MID1: variants seen among roughly 807,000 people sequenced by gnomAD.
The protein encoded by MID1 is midline 1, also known as E3 ubiquitin-protein ligase Midline-1.
In MID1, 7 loss-of-function variants were observed where a neutral mutation model predicts 40.4. The ratio of observed to expected loss-of-function variants is 0.17; its 90% confidence interval spans 0.10 to 0.33. The LOEUF is 0.33. Among genes scored for constraint, MID1 ranks in the 10% least tolerant of loss-of-function variants. The pLI, the probability that MID1 is intolerant of heterozygous loss-of-function variation, is 1.00. For missense variants in MID1, 367 were observed against 558.5 expected, an observed-to-expected ratio of 0.66 and a Z score of 3.46; for synonymous variants, 229 against 221.2, an observed-to-expected ratio of 1.04 and a Z score of -0.31.
intron 1 of MID1, among the ~76,000 whole-genome samples, chrX:10,785,993 T>C (rs1156448551): frequency 1.8e-5 from 2 of 111,524 alleles, no homozygotes; most frequent in East Asian, 5.6e-4. Context: ...CAAGAGCTTC[T>C]GCACAGCAAA....
At position 10,658,977 on chromosome X, in the gene MID1, A is replaced by G. The variant is rs1296391012; in HGVS notation, c.-186-38558T>C. On this transcript the variant is annotated intron_variant, in intron 1 of 10. Transcript: ENST00000380785. ...TCAATTTCTTTATATTAACATGTGC[A>G]TAAAATTTGACACTCAGTGCTCACC... is the stretch of plus-strand genomic sequence containing the variant. Among the ~76,000 whole-genome samples the G allele has an allele frequency of 2.7e-5, 3 of 112,094 alleles. No homozygotes were observed. In the East Asian group the frequency reaches 8.3e-4, roughly 31 times the overall value.
At chrX:10,789,185 C>G (rs2043910713) in intron 1 of MID1, among the ~76,000 whole-genome samples, 1 of 109,000 alleles carries the variant, frequency 9.2e-6, no homozygotes, top group Non-Finnish European at 1.9e-5. Flanking sequence ...AGACCAAGAC[C>G]CTGTATAAAT....
intron 1 of MID1, among the ~76,000 whole-genome samples, chrX:10,682,358 T>G: frequency 9.0e-6 from 1 of 110,795 alleles, no homozygotes; most frequent in East Asian, 2.8e-4. Context: ...TTTTTCTTTG[T>G]AGATAATTGA....
At chrX:10,640,262 AG>A (rs1936174585) in intron 1 of MID1, among the ~76,000 whole-genome samples, 1 of 111,868 alleles carries the variant, frequency 8.9e-6, no homozygotes, top group African/African-American at 3.3e-5. Context: ...TGCTGTATTC[AG>A]GAGACCCATC....
chrX:10,583,154 C>A (rs943249766), intron 1 of MID1, among the ~76,000 whole-genome samples: 3 of 111,240 alleles, frequency 2.7e-5, no homozygotes, highest in African/African-American at 9.8e-5. Flanking sequence ...TAGGCAGCAG[C>A]AAATTGGTGG....
At chrX:10,464,795 T>C (rs1353634138) in intron 7 of MID1, among the ~76,000 whole-genome samples, 1 of 111,851 alleles carries the variant, frequency 8.9e-6, no homozygotes, top group African/African-American at 3.3e-5. Context: ...CCTGTGGTTG[T>C]TGGCTATTCA....
intron 1 of MID1, among the ~76,000 whole-genome samples, chrX:10,772,888 G>A (rs1460134244): frequency 1.8e-5 from 2 of 110,265 alleles, no homozygotes; most frequent in East Asian, 5.6e-4. Context: ...ATCATATAAA[G>A]TAGTGAAAAG....
chrX:10,719,302 C>T lies in MID1; in HGVS notation c.-186-98883G>A, dbSNP rs1305792951. ...TGATTGTGTATCTAGAAAACCCCAT[C>T]GTCTCAGCCCAAAATCTCCTTAAGC... is the stretch of plus-strand genomic sequence containing the variant. On this transcript the variant is annotated intron_variant, in intron 1 of 10. Transcript: ENST00000380785. Among the ~76,000 whole-genome samples the T allele has an allele frequency of 1.2e-4, 13 of 111,159 alleles. No individual in the cohort carries two copies. The Admixed American group carries it at 1.2e-3, about 11-fold the overall frequency.
At chrX:10,642,774 T>C (rs1240636772) in intron 1 of MID1, among the ~76,000 whole-genome samples, 5 of 108,957 alleles carry the variant, frequency 4.6e-5, no homozygotes, top group Admixed American at 2.9e-4. Flanking sequence ...TACTACAAGT[T>C]TACAGTAACC....
At chrX:10,823,015 A>G (rs927780724) in intron 1 of MID1, among the ~76,000 whole-genome samples, 1 of 111,986 alleles carries the variant, frequency 8.9e-6, no homozygotes, top group Admixed American at 9.5e-5. Flanking sequence ...ATAAAGATAC[A>G]TGCACACTTA....
chrX:10,581,717 T>A (rs1051645541), intron 1 of MID1, among the ~76,000 whole-genome samples: 1 of 112,488 alleles, frequency 8.9e-6, no homozygotes, highest in Non-Finnish European at 1.9e-5. Flanking sequence ...ACAAACAGTA[T>A]GTGAATGTGA....
At chrX:10,665,820 G>A (rs759977353) in intron 1 of MID1, among the ~76,000 whole-genome samples, 20 of 110,618 alleles carry the variant, frequency 1.8e-4, no homozygotes, top group African/African-American at 6.3e-4. Flanking sequence ...GAGCCACCCC[G>A]CCTGGCCAAG....
chrX:10,639,584 C>T (rs750321988), intron 1 of MID1, among the ~76,000 whole-genome samples: 2 of 112,102 alleles, frequency 1.8e-5, no homozygotes, highest in African/African-American at 6.5e-5. Flanking sequence ...AGTTGGAAAA[C>T]ACTCTTCAGG....
Position 10,449,669 on chromosome X carries a change from A to G in MID1, c.1703T>C (p.Ile568Thr), listed in dbSNP as rs775422871. The change falls in exon 10 of 10, where the codon ATT becomes ACT. Residue 568 changes from isoleucine to threonine, a missense_variant. Ile to Thr is a moderately conservative substitution (Grantham distance 89, BLOSUM62 -1). Transcript: ENST00000317552. ...AYKSAPKHEW[I>T]GKNSASWALC... ...CGCCCAGGAAGCAGAGTTCTTCCCA[A>G]TCCATTCATGCTTCGGGGCTGATTT... is the stretch of plus-strand genomic sequence containing the variant. 2.5e-6 allele frequency: 3 copies of G among 1,209,720 alleles called. No individual in the cohort carries two copies. The East Asian group carries it at 8.9e-5, about 36-fold the overall frequency.
At chrX:10,572,187 TACACACACAC>T (rs376684211) in intron 1 of MID1, among the ~76,000 whole-genome samples, 11 of 91,015 alleles carry the variant, frequency 1.2e-4, no homozygotes, top group South Asian at 5.5e-4. Context: ...ATGTATCTAA[TACACACACAC>T]ACACACACAC....
Position 10,455,010 on chromosome X carries a change from T to C in MID1, c.1515A>G (p.Thr505=). 8.3e-7 allele frequency: 1 copy of C among 1,211,388 alleles called. No homozygotes were observed. The highest frequency in any genetic ancestry group is 1.1e-6 in the Non-Finnish European group (1 of 895,036). ...RKLKVSHDNL[T]VERDESSSKK... is the part of the protein sequence containing the mutation. ...TGGATGATGACTCATCACGTTCTAC[T>C]GTCAAGTTATCATGGGACACCTTCA... Residue 505 remains threonine (T), a synonymous_variant, in exon 9 of 10, where the codon ACA becomes ACG. Transcript: ENST00000317552.
At chrX:10,553,677 A>C (rs1378675680) in intron 2 of MID1, among the ~76,000 whole-genome samples, 2 of 112,320 alleles carry the variant, frequency 1.8e-5, no homozygotes, top group Non-Finnish European at 3.8e-5. Context: ...AGGTACAGAG[A>C]AACTATTGAG....
Position 10,697,483 on chromosome X carries a change from T to C in MID1, c.-186-77064A>G, listed in dbSNP as rs187442283. ...CTTCAGAATAAGGAGAGAAGATGATTTATTCATGATTGCCTGTGTGCATTC... is the reference window on the plus strand; with the variant it reads ...CTTCAGAATAAGGAGAGAAGATGATCTATTCATGATTGCCTGTGTGCATTC... On this transcript the variant is annotated intron_variant, in intron 1 of 10. Coordinates refer to the MID1 transcript ENST00000380785. Among the ~76,000 whole-genome samples, 779 of 112,031 alleles carry C rather than the reference T, an allele frequency of 7.0e-3. 2 individuals carry two copies. Among genetic ancestry groups the C allele is most frequent in the Non-Finnish European group, 0.011 (605 of 53,242 alleles).
At chrX:10,521,022 T>C (rs942317893) in intron 3 of MID1, among the ~76,000 whole-genome samples, 2 of 106,927 alleles carry the variant, frequency 1.9e-5, no homozygotes, top group Admixed American at 1.0e-4. Flanking sequence ...GCTCGGCTTC[T>C]GATGAGGCCT....
Sources: allele counts gnomAD v4.1 joint callset (sites outside exome capture counted in the v4.1 genomes callset), GRCh38; gene constraint gnomAD v4.1.1; transcripts MANE v1.5; gene names NCBI Gene and HGNC (gene_info 2026-07-23, HGNC 2026-07-21).